The following OR1J2 variants were observed in gnomAD, a reference collection of about 807,000 sequenced individuals.
OR1J2 encodes olfactory receptor family 1 subfamily J member 2, also known as olfactory receptor 1J2.
For synonymous variants in OR1J2, 142 were observed against 99.7 expected (o/e 1.42, Z -2.52); for missense variants, 304 against 246.1 (o/e 1.24, Z -1.57).
At chr9:122,478,359 C>CT in the OR1J2 span, among the ~76,000 whole-genome samples, 1 of 152,158 alleles carries the variant, frequency 6.6e-6, no homozygotes, top group South Asian at 2.1e-4. Context: ...AGTATCTTGA[C>CT]TCCATAGTTT....
At chr9:122,457,553 A>C in the OR1J2 span, among the ~76,000 whole-genome samples, 25 of 152,232 alleles carry the variant, frequency 1.6e-4, no homozygotes, top group African/African-American at 6.0e-4. Flanking sequence ...AAAGTTCTCA[A>C]ACAAGAAACT....
At chr9:122,517,330 C>T in the OR1J2 span, among the ~76,000 whole-genome samples, 2 of 152,188 alleles carry the variant, frequency 1.3e-5, no homozygotes, top group Non-Finnish European at 2.9e-5. Flanking sequence ...GCCGGGGAAC[C>T]TGGGCCAGGC....
the OR1J2 span, among the ~76,000 whole-genome samples, chr9:122,492,222 G>T: frequency 1.1e-3 from 172 of 152,086 alleles, no homozygotes; most frequent in Non-Finnish European, 2.2e-3. Flanking sequence ...CCAATGTTTA[G>T]CTCTCACTTA....
At chr9:122,501,735 T>C in the OR1J2 span, among the ~76,000 whole-genome samples, 4 of 152,110 alleles carry the variant, frequency 2.6e-5, no homozygotes, top group African/African-American at 9.7e-5. Context: ...TAATAAAAAA[T>C]TATTATTAAG....
the OR1J2 span, among the ~76,000 whole-genome samples, chr9:122,531,558 T>C: frequency 6.6e-6 from 1 of 152,210 alleles, no homozygotes. Context: ...CTGTACCTTG[T>C]AGCATTCCAA....
At chr9:122,554,216 T>TC in the OR1J2 span, 3 of 1,366,186 alleles carry the variant, frequency 2.2e-6, no homozygotes, top group African/African-American at 2.9e-5. Flanking sequence ...CTGTCTTCCA[T>TC]CACTTCAGTA....
chr9:122,486,041 A>G, the OR1J2 span, among the ~76,000 whole-genome samples: 1 of 151,180 alleles, frequency 6.6e-6, no homozygotes, highest in African/African-American at 2.4e-5. Context: ...ACTCACTGCA[A>G]CCTCTGCCTC....
At chr9:122,520,537 A>C in the OR1J2 span, among the ~76,000 whole-genome samples, 1 of 152,204 alleles carries the variant, frequency 6.6e-6, no homozygotes, top group African/African-American at 2.4e-5. Context: ...TACAGATCCA[A>C]AAAGCTATTC....
the OR1J2 span, among the ~76,000 whole-genome samples, chr9:122,517,622 G>A: frequency 6.6e-6 from 1 of 152,118 alleles, no homozygotes; most frequent in African/African-American, 2.4e-5. Flanking sequence ...TTGACTTAAA[G>A]GGAACTTTTC....
chr9:122,533,144 T>C, the OR1J2 span, among the ~76,000 whole-genome samples: 28,605 of 151,584 alleles, frequency 0.19, 3,295 homozygotes, highest in African/African-American at 0.32. Flanking sequence ...GAATAATGGG[T>C]TGTAGAGGGA....
downstream of OR1J2, among the ~76,000 whole-genome samples, chr9:122,512,035 T>C (rs550911352): frequency 1.1e-3 from 165 of 152,352 alleles, no homozygotes; most frequent in Non-Finnish European, 1.3e-3. Flanking sequence ...TTTGAGGAGA[T>C]GTTTGGAGAC....
rs762452746 is a variant in OR1J2 at position 122,511,324 on chromosome 9, C to A, written c.523C>A (p.Pro175Thr). ...RLSFCAANTI[P>T]HVFCDLAALL... ...GTCTTTCTGTGCTGCGAACACCATCCCCCATGTCTTCTGTGACCTTGCTGC... is the reference window on the plus strand; with the variant it reads ...GTCTTTCTGTGCTGCGAACACCATCACCCATGTCTTCTGTGACCTTGCTGC... Residue 175 changes from proline to threonine, a missense_variant, in exon 1 of 1, where the codon CCC (proline) becomes ACC (threonine). Physicochemically the swap from Pro to Thr is conservative, Grantham distance 38 (BLOSUM62 -1). Transcript: ENST00000335302. 2 of 726,938 alleles carry A rather than the reference C, an allele frequency of 2.8e-6. No homozygotes were observed. Among genetic ancestry groups the A allele is most frequent in the East Asian group, 2.4e-5 (1 of 40,902 alleles). 45.0% of individuals were successfully genotyped at this position (726,938 alleles called of 1,614,324 possible). A position where few individuals can be genotyped will look rare whatever the true frequency, so the allele number is the denominator to read the frequency against.
At chr9:122,477,772 T>G in the OR1J2 span, 1 of 1,613,444 alleles carries the variant, frequency 6.2e-7, no homozygotes, top group Non-Finnish European at 8.5e-7. Flanking sequence ...AAGGTGAGAG[T>G]CTAGCTGGAT....
At chr9:122,564,407 G>T in the OR1J2 span, among the ~76,000 whole-genome samples, 1 of 152,144 alleles carries the variant, frequency 6.6e-6, no homozygotes, top group Non-Finnish European at 1.5e-5. Flanking sequence ...GTGGAGTGGG[G>T]GGGTATTATG....
chr9:122,452,035 C>T, the OR1J2 span, among the ~76,000 whole-genome samples: 7 of 152,280 alleles, frequency 4.6e-5, no homozygotes, highest in South Asian at 1.2e-3. Context: ...CCTGCCACCA[C>T]GCCCGGCTAA....
chr9:122,527,446 T>C, the OR1J2 span: 1 of 603,804 alleles, frequency 1.7e-6, no homozygotes, highest in Non-Finnish European at 2.9e-6. Flanking sequence ...TCTCTCTTCA[T>C]CAGAGTCTCA....
the OR1J2 span, among the ~76,000 whole-genome samples, chr9:122,564,661 A>G: frequency 3.9e-5 from 6 of 152,210 alleles, no homozygotes; most frequent in East Asian, 3.9e-4. Context: ...AGTGACTCCA[A>G]TTGCAGCTGC....
the OR1J2 span, chr9:122,519,712 A>T: frequency 1.1e-5 from 18 of 1,614,018 alleles, no homozygotes; most frequent in African/African-American, 9.3e-5. Flanking sequence ...TCATGCTCAG[A>T]CATCTCCCTC....
chr9:122,466,094 A>G, the OR1J2 span, among the ~76,000 whole-genome samples: 2 of 152,158 alleles, frequency 1.3e-5, no homozygotes, highest in African/African-American at 2.4e-5. Context: ...GTTGGTTCAT[A>G]TACTTTTTGT....
Sources: gnomAD v4.1 joint callset for allele counts (sites outside exome capture counted in the v4.1 genomes callset) on GRCh38, gnomAD v4.1.1 for gene constraint, MANE v1.5 for transcripts, NCBI Gene and HGNC (gene_info 2026-07-23, HGNC 2026-07-21) for gene names.